The following FMN2 variants were observed in gnomAD, a reference collection of about 807,000 sequenced individuals.
The protein encoded by FMN2 is formin 2.
A neutral mutation model predicts 142.3 loss-of-function variants in FMN2; 51 were observed. The observed-to-expected ratio is 0.36, with a 90% CI of 0.29 to 0.45. The LOEUF is 0.45. Among genes scored for constraint, FMN2 ranks in the 20% least tolerant of loss-of-function variants. FMN2 has a pLI of 1.00. For synonymous variants in FMN2, 882 were observed against 869.8 expected (o/e 1.01, Z -0.25); for missense variants, 1,936 against 2,122.8 (o/e 0.91, Z 1.73).
intron 16 of FMN2, among the ~76,000 whole-genome samples, chr1:240,464,212 G>A (rs1301530570): frequency 2.0e-5 from 3 of 152,134 alleles, no homozygotes; most frequent in Admixed American, 2.0e-4. Flanking sequence ...TAAAATGAGT[G>A]CACAGCAGCG....
chr1:240,101,236 A>G (rs942701202), intron 1 of FMN2, among the ~76,000 whole-genome samples: 19 of 152,120 alleles, frequency 1.2e-4, no homozygotes, highest in East Asian at 5.8e-4. Flanking sequence ...CTTCAAGTCA[A>G]TTTCAGCACT....
intron 7 of FMN2, among the ~76,000 whole-genome samples, chr1:240,278,342 G>GTGA (rs1420387839): frequency 2.0e-5 from 3 of 152,166 alleles, no homozygotes; most frequent in Non-Finnish European, 4.4e-5. Context: ...TCTAGCATCT[G>GTGA]TGATACTCTT....
At chr1:240,192,133 G>A (rs1158512050) in intron 4 of FMN2, among the ~76,000 whole-genome samples, 1 of 152,188 alleles carries the variant, frequency 6.6e-6, no homozygotes, top group Admixed American at 6.5e-5. Context: ...ATTTGAAGAA[G>A]TAAATATTTT....
At chr1:240,445,389 G>A (rs1675770671) in intron 16 of FMN2, among the ~76,000 whole-genome samples, 1 of 152,200 alleles carries the variant, frequency 6.6e-6, no homozygotes, top group South Asian at 2.1e-4. Flanking sequence ...TCCAACGGGA[G>A]GAGGTTCATT....
intron 16 of FMN2, among the ~76,000 whole-genome samples, chr1:240,455,467 C>T (rs927712241): frequency 3.9e-5 from 6 of 152,138 alleles, no homozygotes; most frequent in African/African-American, 1.4e-4. Context: ...CTGCTAATGA[C>T]ATTAAGTGCA....
chr1:240,355,951 CAAAAAAAAAAAAAAAAAAAAA>C (rs58002724), intron 14 of FMN2, 43 bp downstream of exon 14: 13,307 of 249,374 alleles, frequency 0.053, 41 homozygotes, highest in South Asian at 0.079. Context: ...CCCCTTTCAG[CAAAAAAAAAAAAAAAAAAAAA>C]AAAAAAAAAA....
intron 2 of FMN2, among the ~76,000 whole-genome samples, chr1:240,174,948 T>C (rs1393729405): frequency 6.6e-6 from 1 of 152,228 alleles, no homozygotes; most frequent in African/African-American, 2.4e-5. Context: ...CTTGCAAAAC[T>C]GAAAGTCTGT....
intron 15 of FMN2, among the ~76,000 whole-genome samples, chr1:240,426,998 C>G (rs954103262): frequency 6.9e-6 from 1 of 145,690 alleles, no homozygotes; most frequent in South Asian, 2.1e-4. Flanking sequence ...CTTGGCCTCC[C>G]GAAGTGCTTG....
chr1:240,406,111 A>G (rs12756922), intron 15 of FMN2, among the ~76,000 whole-genome samples: 2,190 of 50,970 alleles, frequency 0.043, 72 homozygotes, highest in East Asian at 0.22. Flanking sequence ...GGAGTGGGGG[A>G]AGCGAAGGGA....
chr1:240,135,889 A>G lies in FMN2; in HGVS notation c.1782+12544A>G, dbSNP rs138455992. On this transcript the variant is annotated intron_variant, in intron 2 of 17. Transcript: ENST00000319653. ...GAGATGGGGTTTTACCATGTTGGCC[A>G]GAGGGCCTTGAACTCCTGACCTTAG... 2.0e-5 allele frequency among the ~76,000 whole-genome samples: 3 copies of G among 152,008 alleles called. No homozygotes were observed. In the East Asian group the frequency reaches 5.8e-4, roughly 29 times the overall value.
chr1:240,144,012 A>G (rs1427886219), intron 2 of FMN2: 2 of 1,179,980 alleles, frequency 1.7e-6, no homozygotes, highest in African/African-American at 3.0e-5. Flanking sequence ...CACTCATTCC[A>G]GACCCCAGAG....
chr1:240,164,725 A>G (rs938490858), intron 2 of FMN2, among the ~76,000 whole-genome samples: 1 of 152,158 alleles, frequency 6.6e-6, no homozygotes, highest in Non-Finnish European at 1.5e-5. Flanking sequence ...AAGGTCATCT[A>G]TTTGTGGCTG....
At chr1:240,137,931 A>G (rs1446848219) in intron 2 of FMN2, among the ~76,000 whole-genome samples, 3 of 151,934 alleles carry the variant, frequency 2.0e-5, no homozygotes, top group Non-Finnish European at 4.4e-5. Flanking sequence ...CTCTACTACA[A>G]ATACAAAAAT....
rs71170711 is a variant in FMN2 at position 240,165,631 on chromosome 1, ATT to A, written c.1783-12279_1783-12278del. ...TTTTTATTTATGTCTCCATTTTTCT[ATT>A]TTTTTTTTTTATTTTATGCTGTGCA... On this transcript the variant is annotated intron_variant, in intron 2 of 17. Coordinates refer to ENST00000319653, the MANE Select transcript of FMN2 (RefSeq NM_020066.5). Among the ~76,000 whole-genome samples, 830 of 139,892 alleles carry A rather than the reference ATT, an allele frequency of 5.9e-3. 6 individuals carry two copies. The highest frequency in any genetic ancestry group is 0.032 in the South Asian group (144 of 4,458). The allele number at this position is 139,892 out of a possible 152,430, so 91.8% of individuals were successfully genotyped here. A position where few individuals can be genotyped will look rare whatever the true frequency, so the allele number is the denominator to read the frequency against.
intron 7 of FMN2, among the ~76,000 whole-genome samples, chr1:240,259,909 C>A (rs1460056858): frequency 3.3e-5 from 5 of 152,124 alleles, no homozygotes; most frequent in Non-Finnish European, 7.4e-5. Flanking sequence ...CCCTCCCACC[C>A]TTCCACCAAG....
At chr1:240,194,071 GTTT>G (rs1011124906) in intron 4 of FMN2, among the ~76,000 whole-genome samples, 1 of 151,334 alleles carries the variant, frequency 6.6e-6, no homozygotes, top group South Asian at 2.1e-4. Flanking sequence ...TGTTGTTGTT[GTTT>G]TTTTAATCTT....
At chr1:240,446,444 T>G (rs1262187831) in intron 16 of FMN2, among the ~76,000 whole-genome samples, 2 of 152,212 alleles carry the variant, frequency 1.3e-5, no homozygotes, top group Non-Finnish European at 2.9e-5. Flanking sequence ...TTAATTCCCC[T>G]TTAGCATTTG....
At position 240,334,300 on chromosome 1, in the gene FMN2, T is replaced by A. The variant is rs372190912; in HGVS notation, c.4765+71T>A. 1.9e-4 allele frequency: 270 copies of A among 1,431,016 alleles called. 1 individual carries two copies. The African/African-American group carries it at 3.5e-3, about 18-fold the overall frequency. The allele number at this position is 1,431,016 out of a possible 1,614,324, so 88.6% of individuals were successfully genotyped here. A position where few individuals can be genotyped will look rare whatever the true frequency, so the allele number is the denominator to read the frequency against. On this transcript the variant is annotated intron_variant, in intron 13 of 17. Transcript: ENST00000319653. Reference sequence around the variant, plus strand: ...ATGAGAGAAGGCAGACTTTTCAATGTTTTTAGAGAAAAGTAATCTTTTTTA... The same window carrying A: ...ATGAGAGAAGGCAGACTTTTCAATGATTTTAGAGAAAAGTAATCTTTTTTA...
intron 16 of FMN2, among the ~76,000 whole-genome samples, chr1:240,464,769 T>TG (rs1676558854): frequency 2.0e-5 from 3 of 152,176 alleles, no homozygotes; most frequent in African/African-American, 7.2e-5. Context: ...GCACTGTCCA[T>TG]TACTGAGCCA....
Sources: gnomAD v4.1 joint callset for allele counts (sites outside exome capture counted in the v4.1 genomes callset) on GRCh38, gnomAD v4.1.1 for gene constraint, MANE v1.5 for transcripts, NCBI Gene and HGNC (gene_info 2026-07-23, HGNC 2026-07-21) for gene names.